Variants in SCFD2 observed in about 807,000 individuals in gnomAD.
SCFD2 encodes the protein sec1 family domain containing 2.
In SCFD2, 54 loss-of-function variants were observed where a neutral mutation model predicts 58.9. The observed-to-expected ratio is 0.92, with a 90% confidence interval of 0.74 to 1.15. SCFD2 has a LOEUF of 1.15. SCFD2 is among the 50% of genes most tolerant of loss of function. The pLI is 0.00. For synonymous variants in SCFD2, 321 were observed against 335.9 expected, an observed-to-expected ratio of 0.96 and a Z score of 0.49; for missense variants, 805 against 836.6, an observed-to-expected ratio of 0.96 and a Z score of 0.47.
At position 53,223,550 on chromosome 4, in the gene SCFD2, T is replaced by A. The variant is rs117667206; in HGVS notation, c.1311+50276A>T. 3.6e-4 allele frequency among the ~76,000 whole-genome samples: 55 copies of A among 152,370 alleles called. No individual in the cohort carries two copies. The East Asian group carries it at 9.3e-3, about 26-fold the overall frequency. ...AACTCTGTGTCTTTGCATATACAGT[T>A]CCCATTGTCTTGCATGTCTTTCCCG... On this transcript the variant is annotated intron_variant, in intron 4 of 8. Coordinates refer to ENST00000401642, the MANE Select transcript of SCFD2 (RefSeq NM_152540.4).
intron 5 of SCFD2, among the ~76,000 whole-genome samples, chr4:53,045,925 G>GAA (rs11430321): frequency 1.6e-4 from 24 of 149,924 alleles, no homozygotes; most frequent in Admixed American, 1.3e-3. Flanking sequence ...TTTGTGAAAT[G>GAA]AAAAAAAAAA....
chr4:52,994,392 C>T (rs1354270875), intron 5 of SCFD2, among the ~76,000 whole-genome samples: 1 of 152,210 alleles, frequency 6.6e-6, no homozygotes, highest in Non-Finnish European at 1.5e-5. Flanking sequence ...ACTTCTAGCT[C>T]TGCTGATCTT....
intron 5 of SCFD2, among the ~76,000 whole-genome samples, chr4:52,927,378 C>T (rs931756053): frequency 4.0e-5 from 6 of 151,598 alleles, no homozygotes; most frequent in South Asian, 2.1e-4. Context: ...GTAAGATTTC[C>T]GACATACCAC....
intron 7 of SCFD2, among the ~76,000 whole-genome samples, chr4:52,898,785 T>G (rs1246635997): frequency 6.6e-6 from 1 of 152,164 alleles, no homozygotes; most frequent in Non-Finnish European, 1.5e-5. Flanking sequence ...TGTGTGGGAG[T>G]CTAAGTCTCT....
chr4:53,184,340 AG>A (rs1237359809), intron 4 of SCFD2, among the ~76,000 whole-genome samples: 1 of 152,068 alleles, frequency 6.6e-6, no homozygotes, highest in Non-Finnish European at 1.5e-5. Flanking sequence ...ATCACCTTAA[AG>A]GGAACATACT....
At chr4:53,354,192 C>T (rs1734329695) in intron 1 of SCFD2, among the ~76,000 whole-genome samples, 1 of 152,230 alleles carries the variant, frequency 6.6e-6, no homozygotes, top group Non-Finnish European at 1.5e-5. Flanking sequence ...AGGGGTGGTG[C>T]TCGGGCATGG....
intron 4 of SCFD2, among the ~76,000 whole-genome samples, chr4:53,218,946 A>T (rs1436935274): frequency 6.6e-6 from 1 of 152,186 alleles, no homozygotes; most frequent in Non-Finnish European, 1.5e-5. Context: ...GAGGCTGCAG[A>T]ACAGCGAATA....
intron 5 of SCFD2, among the ~76,000 whole-genome samples, chr4:53,034,677 A>G (rs974243091): frequency 4.6e-5 from 7 of 152,220 alleles, no homozygotes; most frequent in South Asian, 2.1e-4. Flanking sequence ...CTATACACCA[A>G]TAACAGACAA....
intron 5 of SCFD2, among the ~76,000 whole-genome samples, chr4:52,959,561 T>C (rs957870986): frequency 6.6e-6 from 1 of 152,146 alleles, no homozygotes; most frequent in Non-Finnish European, 1.5e-5. Context: ...ATGCAAGCCA[T>C]TCTCTTTCAA....
At chr4:52,918,609 C>T (rs2109482979) in intron 6 of SCFD2, among the ~76,000 whole-genome samples, 1 of 152,224 alleles carries the variant, frequency 6.6e-6, no homozygotes, top group South Asian at 2.1e-4. Context: ...CCATCCAATC[C>T]TACCCATCCA....
chr4:53,183,504 G>C (rs573282441), intron 4 of SCFD2, among the ~76,000 whole-genome samples: 1 of 152,210 alleles, frequency 6.6e-6, no homozygotes, highest in African/African-American at 2.4e-5. Context: ...GGACTGTTGT[G>C]GGGTGGGGGA....
chr4:53,326,547 T>C (rs868724942), intron 2 of SCFD2, among the ~76,000 whole-genome samples: 3 of 152,070 alleles, frequency 2.0e-5, no homozygotes, highest in Admixed American at 6.6e-5. Flanking sequence ...TCATTATAAA[T>C]GGGGGAACGT....
chr4:52,993,141 A>G (rs1413498251), intron 5 of SCFD2, among the ~76,000 whole-genome samples: 1 of 152,168 alleles, frequency 6.6e-6, no homozygotes, highest in Non-Finnish European at 1.5e-5. Flanking sequence ...ACTCAGGGTT[A>G]AATGGATTAA....
chr4:52,954,900 C>G (rs374925043), intron 5 of SCFD2, among the ~76,000 whole-genome samples: 1 of 152,134 alleles, frequency 6.6e-6, no homozygotes, highest in Non-Finnish European at 1.5e-5. Context: ...CCTATCTGTA[C>G]GAGTACACAC....
chr4:53,073,507 A>G (rs1156912587), intron 5 of SCFD2, among the ~76,000 whole-genome samples: 4 of 152,262 alleles, frequency 2.6e-5, no homozygotes, highest in Admixed American at 6.5e-5. Context: ...TGTGGCTAGC[A>G]TACCAAACAT....
At chr4:53,138,504 C>T (rs1726009223) in intron 5 of SCFD2, among the ~76,000 whole-genome samples, 1 of 152,166 alleles carries the variant, frequency 6.6e-6, no homozygotes, top group Admixed American at 6.6e-5. Flanking sequence ...TCTCTTAGAA[C>T]TTAGCATGAC....
intron 4 of SCFD2, among the ~76,000 whole-genome samples, chr4:53,171,988 TTTTA>T (rs1240851415): frequency 5.3e-5 from 8 of 149,712 alleles, no homozygotes; most frequent in Admixed American, 1.3e-4. Context: ...TTTATTTTTA[TTTTA>T]TTTATTTATT....
chr4:53,299,785 C>T (rs939486003), intron 3 of SCFD2, among the ~76,000 whole-genome samples: 2 of 151,874 alleles, frequency 1.3e-5, no homozygotes, highest in Non-Finnish European at 2.9e-5. Context: ...AGAGTGGGTG[C>T]CAATATTCAA....
At chr4:53,186,107 G>A (rs1313563789) in intron 4 of SCFD2, among the ~76,000 whole-genome samples, 7 of 152,046 alleles carry the variant, frequency 4.6e-5, no homozygotes, top group South Asian at 2.1e-4. Flanking sequence ...TGTCTCACAC[G>A]CTTCACATGT....
Sources: allele counts gnomAD v4.1 joint callset (sites outside exome capture counted in the v4.1 genomes callset), GRCh38; gene constraint gnomAD v4.1.1; transcripts MANE v1.5; gene names NCBI Gene and HGNC (gene_info 2026-07-23, HGNC 2026-07-21).